Variants in UNKL observed in about 807,000 individuals in gnomAD.
UNKL encodes the protein unk like zinc finger.
A neutral mutation model predicts 78.0 loss-of-function variants in UNKL; 60 were observed. The ratio of observed to expected loss-of-function variants is 0.77; its 90% CI spans 0.63 to 0.95. The LOEUF is 0.95. Among genes scored for constraint, UNKL ranks in the 40% least tolerant of loss-of-function variants. The probability of loss-of-function intolerance (pLI) is 0.00; values close to 1 mark genes in which losing one functional copy is unlikely to be tolerated. For missense variants in UNKL, 1,159 were observed against 1,045.7 expected, an observed-to-expected ratio of 1.11 and a Z score of -1.49; for synonymous variants, 608 against 474.8, an observed-to-expected ratio of 1.28 and a Z score of -3.65.
At position 1,403,130 on chromosome 16, in the gene UNKL, C is replaced by T. The variant is rs1261730526; in HGVS notation, c.464+38G>A. ...GCTCATCCAGCAGAGCCCACAGCAG[C>T]AGGCAGGCCAAGTGCCCACTCGTGG... On this transcript the variant is annotated intron_variant, in intron 3 of 14. Transcript: ENST00000389221. This position sits in a 1 kb window ranked among gnomAD's most constrained non-coding sequence, Gnocchi z 4.8. The T allele has an allele frequency of 6.3e-7, 1 of 1,581,106 alleles. No homozygotes were observed. Among genetic ancestry groups the T allele is most frequent in the Non-Finnish European group, 8.6e-7 (1 of 1,163,272 alleles).
At chr16:1,366,944 G>C (rs1273703306) in intron 14 of UNKL, 148 bp downstream of exon 14, 2 of 1,233,222 alleles carry the variant, frequency 1.6e-6, no homozygotes, top group East Asian at 2.9e-5. Flanking sequence ...CTGTGCTGGG[G>C]TGGGGCACCG....
intron 8 of UNKL, among the ~76,000 whole-genome samples, chr16:1,391,262 AC>A (rs1567223769): frequency 1.7e-3 from 6 of 3,470 alleles, no homozygotes; most frequent in Non-Finnish European, 3.2e-3. Context: ...ACACACACAC[AC>A]ACACACACAC....
chr16:1,410,634 G>A (rs1435980474), intron 2 of UNKL, among the ~76,000 whole-genome samples: 1 of 152,168 alleles, frequency 6.6e-6, no homozygotes, highest in African/African-American at 2.4e-5. Flanking sequence ...CTGGAGTGGG[G>A]TCAGACAGGC....
intron 9 of UNKL, among the ~76,000 whole-genome samples, chr16:1,389,184 T>A (rs2142114072): frequency 6.6e-6 from 1 of 152,284 alleles, no homozygotes; most frequent in African/African-American, 2.4e-5. Context: ...GTCAGCACAG[T>A]GTCTTTGTTA....
At chr16:1,376,706 A>AC (rs34842051) in intron 10 of UNKL, among the ~76,000 whole-genome samples, 130,242 of 151,732 alleles carry the variant, frequency 0.86, 56,059 homozygotes, top group East Asian at 1. Context: ...ACATTCCAAG[A>AC]CCCCCCCATG....
chr16:1,371,985 G>C (rs190173223), intron 10 of UNKL, among the ~76,000 whole-genome samples: 45 of 152,232 alleles, frequency 3.0e-4, no homozygotes, highest in Non-Finnish European at 5.4e-4. Context: ...GGCCGGGTGC[G>C]GTGGCTCACA....
At chr16:1,401,859 GGCCCGCAGTCCTC>G (rs1325434623) in intron 3 of UNKL, among the ~76,000 whole-genome samples, 158 bp from the exon 4 acceptor site, 11 of 152,310 alleles carry the variant, frequency 7.2e-5, no homozygotes, top group African/African-American at 2.4e-4. Flanking sequence ...CCGCTGTCCT[GGCCCGCAGTCCTC>G]ATCCAAATCC....
intron 2 of UNKL, among the ~76,000 whole-genome samples, chr16:1,407,813 G>C (rs549572940): frequency 1.3e-5 from 2 of 152,212 alleles, no homozygotes; most frequent in African/African-American, 4.8e-5. Context: ...CAGGGCCACA[G>C]TGCAGGAGCG....
Position 1,399,695 on chromosome 16 carries a change from G to T in UNKL, c.599-186C>A. ...ACTCGCGCTCCATGAGGGAAGCCGG[G>T]CCAGAAGGCCACGTGGTGTGATTCT... On this transcript the variant is annotated intron_variant, in intron 4 of 14. Transcript: ENST00000389221. The surrounding 1 kb of genome is among the most constrained non-coding windows in gnomAD (Gnocchi z 5.8). The T allele has an allele frequency of 1.2e-6, 1 of 836,556 alleles. No homozygotes were observed. The highest frequency in any genetic ancestry group is 1.8e-6 in the Non-Finnish European group (1 of 549,468). 51.8% of individuals were successfully genotyped at this position (836,556 alleles called of 1,614,324 possible). A position where few individuals can be genotyped will look rare whatever the true frequency, so the allele number is the denominator to read the frequency against.
In UNKL at chr16:1,387,933, C is replaced by G. The variant is rs1240740085; in HGVS notation, c.1087-2548G>C. ...AGGCTGAGGTTCCCCATGTCCTGAC[C>G]CACCAGTAGCCTAGAGGCCACCGCC... On this transcript the variant is annotated intron_variant, in intron 9 of 14. Transcript: ENST00000389221. This position sits in a 1 kb window ranked among gnomAD's most constrained non-coding sequence, Gnocchi z 4.1. Among the ~76,000 whole-genome samples the G allele has an allele frequency of 6.6e-6, 1 of 152,126 alleles. No homozygotes were observed. Among genetic ancestry groups the G allele is most frequent in the Non-Finnish European group, 1.5e-5 (1 of 68,006 alleles).
chr16:1,372,044 C>G (rs1015275914), intron 10 of UNKL, among the ~76,000 whole-genome samples: 1 of 151,774 alleles, frequency 6.6e-6, no homozygotes. Context: ...ATCACAAGGT[C>G]AGGAGATCGA....
Position 1,370,362 on chromosome 16 carries a change from CG to C in UNKL, c.1358-6del. On this transcript the variant is annotated splice_region_variant and splice_polypyrimidine_tract_variant and intron_variant, in intron 11 of 14. Coordinates refer to ENST00000389221, the MANE Select transcript of UNKL (RefSeq NM_001372107.1). ...AGCCGGCCAGCGACCTGGGACCTGG[CG>C]GGGGCGGACCAGTCAGCGAAGGGAG... is the stretch of plus-strand genomic sequence containing the variant. 2 of 1,531,204 alleles carry C rather than the reference CG, an allele frequency of 1.3e-6. No homozygotes were observed. The highest frequency in any genetic ancestry group is 1.7e-6 in the Non-Finnish European group (2 of 1,145,474). 94.9% of individuals were successfully genotyped at this position (1,531,204 alleles called of 1,614,324 possible).
intron 10 of UNKL, among the ~76,000 whole-genome samples, chr16:1,377,361 T>C (rs993492702): frequency 2.0e-5 from 3 of 151,934 alleles, no homozygotes; most frequent in African/African-American, 7.3e-5. Flanking sequence ...ACCCAGGACA[T>C]GGGGGCCCAC....
Position 1,399,670 on chromosome 16 carries a change from A to C in UNKL, c.599-161T>G. 9.2e-7 allele frequency: 1 copy of C among 1,085,108 alleles called. No homozygotes were observed. The highest frequency in any genetic ancestry group is 1.3e-6 in the Non-Finnish European group (1 of 768,680). 67.2% of individuals were successfully genotyped at this position (1,085,108 alleles called of 1,614,324 possible). ...CCACGGCACACGCTGATGTCAAAGGACTCGCGCTCCATGAGGGAAGCCGGG... is the reference window on the plus strand; with the variant it reads ...CCACGGCACACGCTGATGTCAAAGGCCTCGCGCTCCATGAGGGAAGCCGGG... On this transcript the variant is annotated intron_variant, in intron 4 of 14. Transcript: ENST00000389221. This position sits in a 1 kb window ranked among gnomAD's most constrained non-coding sequence, Gnocchi z 5.8.
intron 10 of UNKL, among the ~76,000 whole-genome samples, chr16:1,378,128 C>T (rs1411478718): frequency 1.3e-5 from 2 of 152,170 alleles, no homozygotes; most frequent in East Asian, 1.9e-4. Flanking sequence ...GAAAGCTGCT[C>T]GGCCTCCAAG....
At chr16:1,371,395 G>T in intron 11 of UNKL, 124 bp downstream of exon 11, 1 of 896,712 alleles carries the variant, frequency 1.1e-6, no homozygotes, top group Non-Finnish European at 1.7e-6. Context: ...CCAGGCAGGA[G>T]TGCAGTGGTG....
chr16:1,368,510 G>A (rs2035496345), intron 12 of UNKL, among the ~76,000 whole-genome samples: 1 of 146,954 alleles, frequency 6.8e-6, no homozygotes, highest in African/African-American at 2.5e-5. Context: ...GCTGAGGCAG[G>A]AGAATGGCGT....
At position 1,387,955 on chromosome 16, in the gene UNKL, C is replaced by T. The variant is rs997415767; in HGVS notation, c.1087-2570G>A. ...GACCCACCAGTAGCCTAGAGGCCAC[C>T]GCCCGGGTCACAGTCACCCCTGTGG... On this transcript the variant is annotated intron_variant, in intron 9 of 14. Transcript: ENST00000389221. This position sits in a 1 kb window ranked among gnomAD's most constrained non-coding sequence, Gnocchi z 4.1. Among the ~76,000 whole-genome samples the T allele has an allele frequency of 3.3e-5, 5 of 152,200 alleles. No individual in the cohort carries two copies. The highest frequency in any genetic ancestry group is 4.8e-5 in the African/African-American group (2 of 41,444).
At chr16:1,371,752 G>T in intron 10 of UNKL, 141 bp from the exon 11 acceptor site, 1 of 849,312 alleles carries the variant, frequency 1.2e-6, no homozygotes, top group Non-Finnish European at 1.8e-6. Flanking sequence ...GGCAGCCAGG[G>T]AAGGACACCC....
Sources: allele counts gnomAD v4.1 joint callset (sites outside exome capture counted in the v4.1 genomes callset), GRCh38; gene constraint gnomAD v4.1.1; non-coding constraint Gnocchi (gnomAD v3.1); transcripts MANE v1.5; gene names NCBI Gene and HGNC (gene_info 2026-07-23, HGNC 2026-07-21).